Variants in PDK1 observed in about 807,000 individuals in gnomAD.
PDK1 encodes the protein pyruvate dehydrogenase kinase 1.
A neutral mutation model predicts 54.2 loss-of-function variants in PDK1; 39 were observed. That is an observed-to-expected ratio of 0.72 (90% confidence interval 0.56 to 0.94). The LOEUF is 0.94. Ranked by LOEUF, PDK1 falls within the 40% of genes least tolerant of loss-of-function variation. The pLI, the probability that PDK1 is intolerant of heterozygous loss-of-function variation, is 0.00. For missense variants in PDK1, 552 were observed against 566.0 expected (o/e 0.98, Z 0.25); for synonymous variants, 221 against 207.1 (o/e 1.07, Z -0.58).
the PDK1 span, among the ~76,000 whole-genome samples, chr2:172,722,526 G>T: frequency 6.6e-6 from 1 of 152,222 alleles, no homozygotes; most frequent in Non-Finnish European, 1.5e-5. Context: ...TTTTCCAAGG[G>T]TGATAAAGAT....
chr2:172,629,409 A>G, the PDK1 span, among the ~76,000 whole-genome samples: 3 of 152,224 alleles, frequency 2.0e-5, no homozygotes, highest in Non-Finnish European at 4.4e-5. Context: ...GAAGAGAAGA[A>G]GTAGCTGGAC....
At chr2:172,641,675 C>T in the PDK1 span, among the ~76,000 whole-genome samples, 1 of 152,114 alleles carries the variant, frequency 6.6e-6, no homozygotes, top group African/African-American at 2.4e-5. Flanking sequence ...AACTCCTGAC[C>T]TCAGGTGATC....
chr2:172,619,700 G>A, the PDK1 span, among the ~76,000 whole-genome samples: 1 of 152,170 alleles, frequency 6.6e-6, no homozygotes, highest in African/African-American at 2.4e-5. Context: ...CAGGATCTGT[G>A]ATGAGATCCA....
the PDK1 span, among the ~76,000 whole-genome samples, chr2:172,622,090 GT>G: frequency 7.3e-6 from 1 of 137,114 alleles, no homozygotes; most frequent in Non-Finnish European, 1.6e-5. Context: ...TGTGAGATAT[GT>G]TTATATCTCA....
the PDK1 span, among the ~76,000 whole-genome samples, chr2:172,715,600 C>T: frequency 1.3e-5 from 2 of 152,090 alleles, no homozygotes; most frequent in Non-Finnish European, 2.9e-5. Flanking sequence ...GACAACTGCC[C>T]GCCTCATGGG....
chr2:172,566,964 T>A (rs1688988920), intron 6 of PDK1, 31 bp downstream of exon 6: 1 of 1,400,172 alleles, frequency 7.1e-7, no homozygotes, highest in Non-Finnish European at 1.0e-6. Flanking sequence ...TTCTCAATAA[T>A]TAGTGCTTTG....
chr2:172,570,234 C>CT (rs1689171320), intron 7 of PDK1, among the ~76,000 whole-genome samples: 1 of 152,124 alleles, frequency 6.6e-6, no homozygotes, highest in African/African-American at 2.4e-5. Context: ...GTCAAAGCAG[C>CT]TTTACAATGA....
At position 172,593,058 on chromosome 2, in the gene PDK1, G is replaced by T. The variant is rs1312332802; in HGVS notation, c.1170+10G>T. 7.8e-7 allele frequency: 1 copy of T among 1,288,326 alleles called. No homozygotes were observed. The highest frequency in any genetic ancestry group is 2.3e-5 in the East Asian group (1 of 43,080). The allele number at this position is 1,288,326 out of a possible 1,614,324, so 79.8% of individuals were successfully genotyped here. A position where few individuals can be genotyped will look rare whatever the true frequency, so the allele number is the denominator to read the frequency against. On this transcript the variant is annotated intron_variant, in intron 10 of 10. Transcript: ENST00000282077. ...AGTTATCTACATTAAGGTAATAGCT[G>T]TAGTCTTCTTGATTTAATATTTCTT...
rs1398463254 is a variant in PDK1, at chr2:172,603,903, G to A, written c.*7934G>A. 3 of 152,152 alleles carry A rather than the reference G, an allele frequency of 2.0e-5. No homozygotes were observed. Among genetic ancestry groups the A allele is most frequent in the Non-Finnish European group, 4.4e-5 (3 of 68,034 alleles). 9.4% of individuals were successfully genotyped at this position (152,152 alleles called of 1,614,324 possible). A position where few individuals can be genotyped will look rare whatever the true frequency, so the allele number is the denominator to read the frequency against. Reference sequence around the variant, plus strand: ...GGTGACTGCTGAGGGTTTAACAAAGGAGAGTCCATTTATATTTGGCTGGTA... The same window carrying A: ...GGTGACTGCTGAGGGTTTAACAAAGAAGAGTCCATTTATATTTGGCTGGTA... On this transcript the variant is annotated 3_prime_UTR_variant, in exon 11 of 11. Transcript: ENST00000282077.
chr2:172,677,716 G>C, the PDK1 span: 1 of 152,238 alleles, frequency 6.6e-6, no homozygotes, highest in East Asian at 1.9e-4. Flanking sequence ...AAAAGAGGCA[G>C]TTGTTAACTT....
intron 8 of PDK1, among the ~76,000 whole-genome samples, chr2:172,575,234 G>C (rs1297526386): frequency 6.6e-6 from 1 of 152,008 alleles, no homozygotes; most frequent in African/African-American, 2.4e-5. Flanking sequence ...ATGTTGTTTT[G>C]TTGAGGATTT....
chr2:172,629,925 A>C, the PDK1 span, among the ~76,000 whole-genome samples: 5 of 152,220 alleles, frequency 3.3e-5, no homozygotes, highest in Admixed American at 2.0e-4. Context: ...TAGTCCTGTG[A>C]GGAGGTCAAG....
the PDK1 span, chr2:172,678,947 G>A: frequency 1.3e-5 from 2 of 152,112 alleles, no homozygotes; most frequent in South Asian, 2.1e-4. Context: ...AACCTTTTTT[G>A]TTTTTACAAA....
the PDK1 span, among the ~76,000 whole-genome samples, chr2:172,614,290 C>T: frequency 6.6e-6 from 1 of 151,932 alleles, no homozygotes; most frequent in African/African-American, 2.4e-5. Context: ...GTCCTGAAGA[C>T]TGGGGACCAG....
intron 2 of PDK1, among the ~76,000 whole-genome samples, chr2:172,561,748 T>G (rs1244476945): frequency 1.3e-5 from 2 of 152,228 alleles, no homozygotes; most frequent in African/African-American, 4.8e-5. Context: ...TAAATACTTG[T>G]TAGTTGGACA....
chr2:172,654,762 T>G, the PDK1 span, among the ~76,000 whole-genome samples: 25 of 151,934 alleles, frequency 1.6e-4, no homozygotes, highest in Non-Finnish European at 2.4e-4. Context: ...AGTATAATAA[T>G]AAAAAAAATT....
chr2:172,665,815 G>A, the PDK1 span, among the ~76,000 whole-genome samples: 1 of 152,142 alleles, frequency 6.6e-6, no homozygotes, highest in Admixed American at 6.5e-5. Context: ...TGGGGTTTGT[G>A]GAAAAGTCTG....
intron 10 of PDK1, among the ~76,000 whole-genome samples, 167 bp downstream of exon 10, chr2:172,593,215 A>G (rs1225654196): frequency 2.0e-5 from 3 of 152,218 alleles, no homozygotes; most frequent in Admixed American, 6.5e-5. Flanking sequence ...CCCTAAAACT[A>G]TGGGGAAAGA....
chr2:172,579,240 G>A (rs1236363494), intron 8 of PDK1, among the ~76,000 whole-genome samples: 1 of 152,094 alleles, frequency 6.6e-6, no homozygotes, highest in Non-Finnish European at 1.5e-5. Context: ...ATGTTTCCAG[G>A]GATGGGGGTG....
Sources: allele counts gnomAD v4.1 joint callset (sites outside exome capture counted in the v4.1 genomes callset), GRCh38; gene constraint gnomAD v4.1.1; transcripts MANE v1.5; gene names NCBI Gene and HGNC (gene_info 2026-07-23, HGNC 2026-07-21).